The following XKR9 variants were observed in gnomAD, a reference collection of about 807,000 sequenced individuals.
XKR9 encodes XK related 9, also known as XK-related protein 9.
In XKR9, 32 loss-of-function variants were observed where a neutral mutation model predicts 32.0. That is an observed-to-expected ratio of 1.00 (90% CI 0.76 to 1.34). XKR9 has a LOEUF of 1.34. Ranked by LOEUF, XKR9 falls within the 40% of genes most tolerant of loss-of-function variation. XKR9 has a pLI of 0.00. For synonymous variants in XKR9, 168 were observed against 143.4 expected (o/e 1.17, Z -1.22); for missense variants, 546 against 429.7 (o/e 1.27, Z -2.39).
intron 2 of XKR9, among the ~76,000 whole-genome samples, chr8:70,779,535 G>A (rs555095306): frequency 2.6e-5 from 4 of 152,156 alleles, no homozygotes; most frequent in Non-Finnish European, 4.4e-5. Context: ...AATGGTACCA[G>A]CTCCTCTTTG....
chr8:71,063,833 T>C, the XKR9 span, among the ~76,000 whole-genome samples: 87 of 152,230 alleles, frequency 5.7e-4, no homozygotes, highest in Non-Finnish European at 9.3e-4. Flanking sequence ...AAAACAAAGT[T>C]GTTTTCAATT....
At chr8:70,804,684 G>T in the XKR9 span, among the ~76,000 whole-genome samples, 3 of 152,160 alleles carry the variant, frequency 2.0e-5, no homozygotes, top group African/African-American at 4.8e-5. Flanking sequence ...CTGAGTTTTT[G>T]TGTAGTTTTA....
intron 4 of XKR9, among the ~76,000 whole-genome samples, chr8:70,720,985 A>G (rs1806260081): frequency 6.6e-6 from 1 of 152,098 alleles, no homozygotes; most frequent in Non-Finnish European, 1.5e-5. Flanking sequence ...AAAACTTGTT[A>G]TTGGTCTATT....
At chr8:70,766,493 G>A (rs1807377508) in intron 2 of XKR9, among the ~76,000 whole-genome samples, 1 of 152,138 alleles carries the variant, frequency 6.6e-6, no homozygotes, top group Admixed American at 6.5e-5. Flanking sequence ...AAGGAGTTTT[G>A]GGACTGAGAT....
At chr8:70,998,451 C>T in the XKR9 span, among the ~76,000 whole-genome samples, 1 of 152,124 alleles carries the variant, frequency 6.6e-6, no homozygotes, top group South Asian at 2.1e-4. Context: ...TCTCTCCCAC[C>T]CCATAATGTT....
chr8:70,849,234 A>C, the XKR9 span, among the ~76,000 whole-genome samples: 1 of 151,946 alleles, frequency 6.6e-6, no homozygotes, highest in Non-Finnish European at 1.5e-5. Flanking sequence ...AAACAAAACA[A>C]AACAAAAAAC....
At chr8:70,945,422 T>C in the XKR9 span, among the ~76,000 whole-genome samples, 1 of 152,126 alleles carries the variant, frequency 6.6e-6, no homozygotes, top group Non-Finnish European at 1.5e-5. Flanking sequence ...AAATTTAATT[T>C]TGAAAAAGGG....
At chr8:70,848,000 C>G in the XKR9 span, among the ~76,000 whole-genome samples, 1 of 151,942 alleles carries the variant, frequency 6.6e-6, no homozygotes, top group South Asian at 2.1e-4. Context: ...CAAAACTGGA[C>G]AAGAACACAC....
the XKR9 span, among the ~76,000 whole-genome samples, chr8:70,892,307 G>T: frequency 1.3e-5 from 2 of 151,828 alleles, no homozygotes; most frequent in African/African-American, 4.8e-5. Context: ...TTATTTTCTG[G>T]TTGTTTTACA....
chr8:70,691,063 G>A (rs1478207540), intron 3 of XKR9, among the ~76,000 whole-genome samples: 1 of 151,934 alleles, frequency 6.6e-6, no homozygotes, highest in African/African-American at 2.4e-5. Flanking sequence ...CCACAACCTC[G>A]CCAGCATCTG....
the XKR9 span, among the ~76,000 whole-genome samples, chr8:71,003,467 C>G: frequency 6.6e-6 from 1 of 151,676 alleles, no homozygotes; most frequent in Non-Finnish European, 1.5e-5. Context: ...CTTTTTCAAC[C>G]TAAAGATTAT....
the XKR9 span, among the ~76,000 whole-genome samples, chr8:70,997,648 C>T: frequency 6.6e-6 from 1 of 152,134 alleles, no homozygotes; most frequent in Non-Finnish European, 1.5e-5. Flanking sequence ...TAGAAGGCTA[C>T]ACACTGGGTA....
At chr8:70,948,615 G>A in the XKR9 span, among the ~76,000 whole-genome samples, 7 of 152,246 alleles carry the variant, frequency 4.6e-5, no homozygotes, top group Admixed American at 6.5e-5. Flanking sequence ...TTTGTCTACC[G>A]TCTCCTAAGC....
At chr8:70,875,586 A>T in the XKR9 span, among the ~76,000 whole-genome samples, 2 of 152,200 alleles carry the variant, frequency 1.3e-5, no homozygotes, top group Admixed American at 1.3e-4. Context: ...TGAGTGTTCA[A>T]GGATGGTTAA....
chr8:71,018,815 G>A, the XKR9 span, among the ~76,000 whole-genome samples: 3 of 152,184 alleles, frequency 2.0e-5, no homozygotes, highest in African/African-American at 7.2e-5. Flanking sequence ...CCTTTTTATG[G>A]ATGAAATTTA....
At chr8:70,933,030 TC>T in the XKR9 span, among the ~76,000 whole-genome samples, 4 of 152,116 alleles carry the variant, frequency 2.6e-5, no homozygotes, top group African/African-American at 9.7e-5. Flanking sequence ...GGGACAGGTT[TC>T]CGACCCTCTA....
the XKR9 span, among the ~76,000 whole-genome samples, chr8:70,879,590 C>G: frequency 1.3e-5 from 2 of 152,096 alleles, no homozygotes; most frequent in African/African-American, 4.8e-5. Context: ...CACATACACC[C>G]TCCCAAGACT....
At chr8:70,917,891 A>G in the XKR9 span, among the ~76,000 whole-genome samples, 3 of 152,166 alleles carry the variant, frequency 2.0e-5, no homozygotes, top group Non-Finnish European at 4.4e-5. Context: ...ATCTACCTGA[A>G]GGGTTATTAA....
At chr8:70,975,603 C>G in the XKR9 span, among the ~76,000 whole-genome samples, 1 of 152,112 alleles carries the variant, frequency 6.6e-6, no homozygotes, top group Non-Finnish European at 1.5e-5. Context: ...TGGTTTATAT[C>G]TCTGATTTGG....
Sources: allele counts gnomAD v4.1 joint callset (sites outside exome capture counted in the v4.1 genomes callset), GRCh38; gene constraint gnomAD v4.1.1; transcripts MANE v1.5; gene names NCBI Gene and HGNC (gene_info 2026-07-23, HGNC 2026-07-21).